The following SDS variants were observed in gnomAD, a reference collection of about 807,000 sequenced individuals.
SDS encodes the protein serine dehydratase, also known as L-serine dehydratase/L-threonine deaminase.
SDS carries 19 observed loss-of-function variants against 29.3 expected under a neutral mutation model. The observed-to-expected ratio is 0.65, with a 90% CI of 0.45 to 0.95. The LOEUF is 0.95. Ranked by LOEUF, SDS falls within the 40% of genes least tolerant of loss-of-function variation. The pLI, the probability that SDS is intolerant of heterozygous loss-of-function variation, is 0.00. For synonymous variants in SDS, 176 were observed against 189.0 expected, an observed-to-expected ratio of 0.93 and a Z score of 0.56; for missense variants, 375 against 439.9, an observed-to-expected ratio of 0.85 and a Z score of 1.32.
intron 7 of SDS, among the ~76,000 whole-genome samples, chr12:113,393,382 G>A (rs534549763): frequency 2.0e-5 from 3 of 152,362 alleles, no homozygotes; most frequent in East Asian, 1.9e-4. Flanking sequence ...GTGTGGTTGC[G>A]TGAGCACTGT....
chr12:113,398,487 C>G, intron 5 of SDS, 28 bp downstream of exon 5: 1 of 1,482,788 alleles, frequency 6.7e-7, no homozygotes, highest in Non-Finnish European at 9.3e-7. Flanking sequence ...GCTGCCACCC[C>G]CACCAAGTGA....
chr12:113,396,083 G>C (rs1957642125), intron 6 of SDS, among the ~76,000 whole-genome samples: 1 of 152,180 alleles, frequency 6.6e-6, no homozygotes, highest in African/African-American at 2.4e-5. Context: ...TGGGCAACAA[G>C]AGCGAAACTC....
intron 2 of SDS, 101 bp downstream of exon 2, chr12:113,399,455 T>C: frequency 7.5e-7 from 1 of 1,341,638 alleles, no homozygotes; most frequent in Non-Finnish European, 9.9e-7. Flanking sequence ...GTCAGTAGGC[T>C]TATCCTACAA....
intron 6 of SDS, among the ~76,000 whole-genome samples, chr12:113,394,377 T>TC (rs1957632749): frequency 6.6e-6 from 1 of 151,280 alleles, no homozygotes; most frequent in Non-Finnish European, 1.5e-5. Context: ...TCTTGCTCTG[T>TC]TGCCCAGGCT....
intron 7 of SDS, among the ~76,000 whole-genome samples, chr12:113,393,498 T>G (rs1957624373): frequency 6.6e-6 from 1 of 152,168 alleles, no homozygotes; most frequent in South Asian, 2.1e-4. Context: ...TTCTCTCTTT[T>G]TTGCCATCCC....
Position 113,398,614 on chromosome 12 carries a change from G to A in SDS, c.334-8C>T. 1 of 1,595,608 alleles carries A rather than the reference G, an allele frequency of 6.3e-7. No homozygotes were observed. The highest frequency in any genetic ancestry group is 1.1e-5 in the South Asian group (1 of 89,876). ...GAAGGCTTCATCCAATAACTGCAAA[G>A]CCACAGGGGAGATAGGAGGGGGTGA... On this transcript the variant is annotated splice_polypyrimidine_tract_variant and splice_region_variant and intron_variant, in intron 4 of 7. Transcript: ENST00000257549.
Position 113,398,428 on chromosome 12 carries a change from C to T in SDS, c.425+87G>A, listed in dbSNP as rs868275965. 19 of 824,784 alleles carry T rather than the reference C, an allele frequency of 2.3e-5. 1 individual carries two copies. The highest frequency in any genetic ancestry group is 4.5e-4 in the Middle Eastern group (2 of 4,432). 51.1% of individuals were successfully genotyped at this position (824,784 alleles called of 1,614,324 possible). On this transcript the variant is annotated intron_variant, in intron 5 of 7. Transcript: ENST00000257549. ...CATGTGCAGCTGCTGTGCATGAGGA[C>T]GTGATGATGTGCATCATAGCAATGC...
At chr12:113,398,360 T>G (rs910466032) in intron 5 of SDS, among the ~76,000 whole-genome samples, 155 bp downstream of exon 5, 16 of 152,208 alleles carry the variant, frequency 1.1e-4, no homozygotes, top group African/African-American at 3.9e-4. Flanking sequence ...CGTGAGCCAC[T>G]GTGCCCCGCC....
At position 113,397,311 on chromosome 12, in the gene SDS, G is replaced by C. The variant is rs779714832; in HGVS notation, c.507C>G (p.Gly169=). 2 of 1,613,926 alleles carry C rather than the reference G, an allele frequency of 1.2e-6. No individual in the cohort carries two copies. The highest frequency in any genetic ancestry group is 2.7e-5 in the African/African-American group (2 of 74,934). The part of the protein sequence containing the change: ...KPGAIALSVG[G]GGLLCGVVQG... ...GGACCACTCCACACAGCAGGCCCCC[G>C]CCGCCCACTGACAGCGCGATGGCCC... Residue 169 remains glycine, a synonymous_variant, in exon 6 of 8, where the codon GGC becomes GGG. Coordinates refer to ENST00000257549, the MANE Select transcript of SDS (RefSeq NM_006843.3).
At chr12:113,401,661 C>G (rs930977528) in intron 1 of SDS, among the ~76,000 whole-genome samples, 3 of 152,202 alleles carry the variant, frequency 2.0e-5, no homozygotes, top group Non-Finnish European at 4.4e-5. Flanking sequence ...GGGCAGCTGG[C>G]TCCAGGGCTC....
chr12:113,397,883 C>T (rs1005804068), intron 5 of SDS, among the ~76,000 whole-genome samples: 1 of 152,174 alleles, frequency 6.6e-6, no homozygotes, highest in Non-Finnish European at 1.5e-5. Flanking sequence ...CAAATAAACT[C>T]CTTTCCCTGA....
chr12:113,394,065 G>A (rs557767195), intron 6 of SDS, 49 bp from the exon 7 acceptor site: 1 of 1,590,144 alleles, frequency 6.3e-7, no homozygotes, highest in Admixed American at 1.7e-5. Context: ...GGAAACAGGA[G>A]AGAGATGGGG....
chr12:113,400,851 C>T (rs923987224), intron 1 of SDS, among the ~76,000 whole-genome samples: 10 of 151,998 alleles, frequency 6.6e-5, no homozygotes, highest in East Asian at 1.9e-4. Context: ...TACTTAAATG[C>T]ATACATTTAA....
At chr12:113,393,262 G>T in intron 7 of SDS, 113 bp from the exon 8 acceptor site, 1 of 1,035,408 alleles carries the variant, frequency 9.7e-7, no homozygotes. Context: ...CTCAGCCCTG[G>T]CTGCAGCCGC....
chr12:113,402,396 G>A (rs1272105151), intron 1 of SDS, among the ~76,000 whole-genome samples: 3 of 152,148 alleles, frequency 2.0e-5, no homozygotes, highest in Non-Finnish European at 2.9e-5. Flanking sequence ...GGGTTCAAGC[G>A]ATTTTCCTGC....
chr12:113,397,218 G>A lies in SDS; in HGVS notation c.600C>T (p.Ser200=). 6.2e-7 allele frequency: 1 copy of A among 1,614,174 alleles called. No individual in the cohort carries two copies. Among genetic ancestry groups the A allele is most frequent in the Admixed American group, 1.7e-5 (1 of 60,024 alleles). Residue 200 remains serine, a synonymous_variant, in exon 6 of 8, where the codon AGC becomes AGT. Transcript: ENST00000257549. The part of the protein sequence containing the change: ...VIAMETFGAH[S]FHAATTAGKL... ...TGCCTGCGGTGGTGGCAGCGTGGAA[G>A]CTGTGGGCACCAAAAGTCTCCATGG...
At chr12:113,395,917 G>T (rs1205382755) in intron 6 of SDS, among the ~76,000 whole-genome samples, 2 of 152,178 alleles carry the variant, frequency 1.3e-5, no homozygotes, top group African/African-American at 4.8e-5. Flanking sequence ...TTCGAGACTA[G>T]CCTGGCTAAC....
chr12:113,395,621 C>T (rs1214106226), intron 6 of SDS, among the ~76,000 whole-genome samples: 1 of 152,216 alleles, frequency 6.6e-6, no homozygotes, highest in East Asian at 1.9e-4. Flanking sequence ...GCTTCCCCAT[C>T]CCTGCCAAAT....
Position 113,398,793 on chromosome 12 carries a change from CG to C in SDS, c.246del (p.Ala83ProfsTer41). ...AAYAARQLGV[P>X]ATIVVPSTTP... ...GTGGTGCTGGGCACCACGATGGTGG[CG>C]GGGACGCCGAGTTGCCTGGCCGCAT... On this transcript the variant is annotated frameshift_variant, in exon 4 of 8. Coordinates refer to ENST00000257549, the MANE Select transcript of SDS (RefSeq NM_006843.3). LOFTEE classifies it high-confidence loss of function. 1 of 1,613,290 alleles carries C rather than the reference CG, an allele frequency of 6.2e-7. No homozygotes were observed. Among genetic ancestry groups the C allele is most frequent in the Non-Finnish European group, 8.5e-7 (1 of 1,179,708 alleles).
Sources: gnomAD v4.1 joint callset for allele counts (sites outside exome capture counted in the v4.1 genomes callset) on GRCh38, gnomAD v4.1.1 for gene constraint, MANE v1.5 for transcripts, NCBI Gene and HGNC (gene_info 2026-07-23, HGNC 2026-07-21) for gene names.